TRRAP: variants seen among roughly 807,000 people sequenced by gnomAD.
TRRAP encodes transformation/transcription domain associated protein, also known as transformation/transcription domain-associated protein.
TRRAP carries 41 observed loss-of-function variants against 438.8 expected under a neutral mutation model. That is an observed-to-expected ratio of 0.09 (90% CI 0.07 to 0.12). TRRAP has a LOEUF of 0.12. Among genes scored for constraint, TRRAP ranks in the 10% least tolerant of loss-of-function variants. The pLI is 1.00. For synonymous variants in TRRAP, 1,994 were observed against 1,962.9 expected (o/e 1.02, Z -0.42); for missense variants, 3,122 against 5,055.1 (o/e 0.62, Z 11.60).
chr7:98,964,689 T>A lies in TRRAP; in HGVS notation c.6890T>A (p.Ile2297Asn). 1 of 1,614,134 alleles carries A rather than the reference T, an allele frequency of 6.2e-7. No homozygotes were observed. Among genetic ancestry groups the A allele is most frequent in the Non-Finnish European group, 8.5e-7 (1 of 1,180,016 alleles). ...SNNPSYIDRL[I>N]SVFMRSLQKM... The stretch of plus-strand genomic sequence containing the variant: ...AACCCCAGCTACATAGACAGGCTGA[T>A]CTCCGTCTTTATGCGCTCCCTGCAG... Residue 2297 changes from isoleucine to asparagine, a missense_variant, in exon 48 of 73, where the codon ATC becomes AAC. Around this residue, in one of 24 missense-constraint regions of TRRAP, gnomAD observed 992 missense variants for 1,281.2 expected, o/e 0.77. Coordinates refer to ENST00000456197, the MANE Select transcript of TRRAP (RefSeq NM_001375524.1).
Position 98,930,713 on chromosome 7 carries a change from G to C in TRRAP, c.3474G>C (p.Leu1158=), listed in dbSNP as rs782620276. 7 of 1,614,108 alleles carry C rather than the reference G, an allele frequency of 4.3e-6. No individual in the cohort carries two copies. Among genetic ancestry groups the C allele is most frequent in the African/African-American group, 1.3e-5 (1 of 74,940 alleles). The change falls in exon 25 of 73, where the codon CTG becomes CTC. Residue 1158 remains leucine, a synonymous_variant. Coordinates refer to ENST00000456197, the MANE Select transcript of TRRAP (RefSeq NM_001375524.1). ...ATGAACAGGCGTGGTATGCAAAGCT[G>C]GGGGGTGTGGTGTCTATTAAGTTTC... ...CCYEQAWYAK[L]GGVVSIKFLM...
chr7:98,973,245 G>A (rs1248160749), intron 53 of TRRAP, among the ~76,000 whole-genome samples: 3 of 152,156 alleles, frequency 2.0e-5, no homozygotes, highest in Non-Finnish European at 2.9e-5. Context: ...CTCCCAAAGT[G>A]CTGGGATTAC....
chr7:98,990,164 G>A (rs200852586), intron 63 of TRRAP, among the ~76,000 whole-genome samples: 2 of 152,142 alleles, frequency 1.3e-5, no homozygotes, highest in Non-Finnish European at 2.9e-5. Flanking sequence ...GGAGGTGGAG[G>A]TTGCAGTGAG....
chr7:98,989,234 A>G (rs551925518), intron 63 of TRRAP, among the ~76,000 whole-genome samples: 7 of 152,372 alleles, frequency 4.6e-5, no homozygotes, highest in Admixed American at 2.0e-4. Flanking sequence ...GGGAGCTCAC[A>G]CGAAACAGAG....
chr7:98,973,740 A>G lies in TRRAP; in HGVS notation c.7839+1795A>G, dbSNP rs559408702. ...CAGGCCGGAGCTGCAGACGTCAGCC[A>G]TACTGTTCCCAGATGCGTGTCACAG... On this transcript the variant is annotated intron_variant, in intron 53 of 72. Coordinates refer to ENST00000456197, the MANE Select transcript of TRRAP (RefSeq NM_001375524.1). Among the ~76,000 whole-genome samples, 12 of 152,312 alleles carry G rather than the reference A, an allele frequency of 7.9e-5. No homozygotes were observed. The East Asian group carries it at 2.3e-3, about 29-fold the overall frequency.
chr7:98,948,112 G>C lies in TRRAP; in HGVS notation c.4549-109G>C. On this transcript the variant is annotated intron_variant, in intron 33 of 72. Coordinates refer to ENST00000456197, the MANE Select transcript of TRRAP (RefSeq NM_001375524.1). This position sits in a 1 kb window ranked among gnomAD's most constrained non-coding sequence, Gnocchi z 4.9. ...TTACATGTGAACCCTTCGCTTCACT[G>C]CCTAGCCTTGCCAACATAGTTAGAC... 2.0e-6 allele frequency: 3 copies of C among 1,510,512 alleles called. No homozygotes were observed. The highest frequency in any genetic ancestry group is 2.7e-6 in the Non-Finnish European group (3 of 1,109,322). The allele number at this position is 1,510,512 out of a possible 1,614,324, so 93.6% of individuals were successfully genotyped here. A position where few individuals can be genotyped will look rare whatever the true frequency, so the allele number is the denominator to read the frequency against.
chr7:98,951,019 T>C lies in TRRAP; in HGVS notation c.5463+15T>C, dbSNP rs1224078019. 1 of 1,574,434 alleles carries C rather than the reference T, an allele frequency of 6.4e-7. No individual in the cohort carries two copies. The highest frequency in any genetic ancestry group is 8.6e-7 in the Non-Finnish European group (1 of 1,163,488). On this transcript the variant is annotated intron_variant, in intron 39 of 72. Coordinates refer to ENST00000456197, the MANE Select transcript of TRRAP (RefSeq NM_001375524.1). ...TTATTACCAAGGTGGTATCACTATG[T>C]GTGTGGGTGTGAGAAGTAGCCTGGC...
chr7:98,959,464 T>C lies in TRRAP; in HGVS notation c.6463T>C (p.Trp2155Arg). The change falls in exon 45 of 73, where the codon TGG (tryptophan) becomes CGG (arginine). Residue 2155 changes from tryptophan to arginine, a missense_variant. Around this residue, in one of 24 missense-constraint regions of TRRAP, gnomAD observed 992 missense variants for 1,281.2 expected, o/e 0.77. Transcript: ENST00000456197. ...GCCCAAGTCCGAACTCAAGCTGCAG[T>C]GGTTCGACAAGCTGCTGATGACTGT... The part of the protein sequence containing the change: ...MWPKSELKLQ[W>R]FDKLLMTVEQ... 6.2e-7 allele frequency: 1 copy of C among 1,613,524 alleles called. No individual in the cohort carries two copies. Among genetic ancestry groups the C allele is most frequent in the Non-Finnish European group, 8.5e-7 (1 of 1,179,844 alleles).
chr7:98,913,531 G>A (rs909188136), intron 18 of TRRAP, among the ~76,000 whole-genome samples: 4 of 152,000 alleles, frequency 2.6e-5, no homozygotes, highest in Admixed American at 6.6e-5. Flanking sequence ...TCAGGTGATC[G>A]TCTGCCTTGG....
rs745756838 is a variant in TRRAP at position 98,976,625 on chromosome 7, A to G, written c.8102A>G (p.Lys2701Arg). Residue 2701 changes from lysine (K) to arginine (R), a missense_variant, in exon 55 of 73, where the codon AAG becomes AGG. Around this residue, in one of 24 missense-constraint regions of TRRAP, gnomAD observed 992 missense variants for 1,281.2 expected, o/e 0.77. Transcript: ENST00000456197. This position sits in a 1 kb window ranked among gnomAD's most constrained non-coding sequence, Gnocchi z 4.6. ...PPIPIRPCVLKYLGKTHNLWF... is the reference protein window; with the variant it reads ...PPIPIRPCVLRYLGKTHNLWF... ...ATCCCCATCCGACCCTGCGTCCTGAAGTACCTGGGGAAGACACACAACCTC... is the reference window on the plus strand; with the variant it reads ...ATCCCCATCCGACCCTGCGTCCTGAGGTACCTGGGGAAGACACACAACCTC... 3 of 1,614,202 alleles carry G rather than the reference A, an allele frequency of 1.9e-6. No individual in the cohort carries two copies. Among genetic ancestry groups the G allele is most frequent in the East Asian group, 2.2e-5 (1 of 44,880 alleles).
At chr7:98,905,924 A>T (rs1796706559) in intron 12 of TRRAP, among the ~76,000 whole-genome samples, 1 of 152,156 alleles carries the variant, frequency 6.6e-6, no homozygotes, top group African/African-American at 2.4e-5. Context: ...AAGCTGATTT[A>T]TTCTTAATTT....
At chr7:98,967,351 C>A in intron 50 of TRRAP, 134 bp from the exon 51 acceptor site, 1 of 1,271,830 alleles carries the variant, frequency 7.9e-7, no homozygotes, top group Non-Finnish European at 1.1e-6. Flanking sequence ...CATGAGCCTG[C>A]CACGATTTAT....
chr7:98,899,334 T>C (rs1796367296), intron 8 of TRRAP, 88 bp from the exon 9 acceptor site: 3 of 1,065,812 alleles, frequency 2.8e-6, no homozygotes, highest in Non-Finnish European at 2.9e-6. Flanking sequence ...TTCTCTCTCT[T>C]TCAGTGGGTG....
rs371062126 is a variant in TRRAP at position 98,910,087 on chromosome 7, G to A, written c.1382G>A (p.Arg461Gln). ...GTTCTCAAATTCCACACAATTGCTC[G>A]GTACCAGCTCTCTGCCATTTTTAAG... ...VFVLKFHTIA[R>Q]YQLSAIFKKC... The change falls in exon 15 of 73, where the codon CGG becomes CAG. Residue 461 changes from arginine to glutamine, a missense_variant. This residue lies in a region of TRRAP where 115 missense variants were observed against 124.6 expected (regional missense o/e 0.92). Transcript: ENST00000456197. 1.3e-5 allele frequency: 21 copies of A among 1,558,722 alleles called. No individual in the cohort carries two copies. Among genetic ancestry groups the A allele is most frequent in the East Asian group, 4.5e-5 (2 of 44,418 alleles).
At chr7:98,970,067 C>T in intron 51 of TRRAP, 45 bp from the exon 52 acceptor site, 1 of 1,596,884 alleles carries the variant, frequency 6.3e-7, no homozygotes, top group Non-Finnish European at 8.5e-7. Flanking sequence ...GCCCTGAATG[C>T]CACGCGCATG....
At chr7:98,916,013 G>C in intron 19 of TRRAP, 125 bp downstream of exon 19, 1 of 1,306,130 alleles carries the variant, frequency 7.7e-7, no homozygotes, top group Non-Finnish European at 1.0e-6. Context: ...GATGGGATGT[G>C]GCACATCCGC....
rs1794476847 is a variant in TRRAP at position 99,012,595 on chromosome 7, C to G, written c.*240C>G. 5 of 544,122 alleles carry G rather than the reference C, an allele frequency of 9.2e-6. No individual in the cohort carries two copies. The highest frequency in any genetic ancestry group is 1.3e-5 in the Non-Finnish European group (4 of 315,916). The allele number at this position is 544,122 out of a possible 1,614,324, so 33.7% of individuals were successfully genotyped here. ...TGGCAGAGCTGAAACTTATTCCAAG[C>G]TTTCAAAATAATCTTTTAAGAAGCC... On this transcript the variant is annotated 3_prime_UTR_variant, in exon 73 of 73. Coordinates refer to ENST00000456197, the MANE Select transcript of TRRAP (RefSeq NM_001375524.1). This position sits in a 1 kb window ranked among gnomAD's most constrained non-coding sequence, Gnocchi z 5.9.
intron 30 of TRRAP, among the ~76,000 whole-genome samples, chr7:98,941,031 A>C (rs1790772954): frequency 6.6e-6 from 1 of 152,202 alleles, no homozygotes; most frequent in Non-Finnish European, 1.5e-5. Flanking sequence ...TTTAGCTCTT[A>C]CATTTAGGTC....
chr7:98,994,859 A>G lies in TRRAP; in HGVS notation c.10309+11A>G. The G allele has an allele frequency of 6.2e-7, 1 of 1,605,906 alleles. No individual in the cohort carries two copies. The highest frequency in any genetic ancestry group is 8.5e-7 in the Non-Finnish European group (1 of 1,173,294). On this transcript the variant is annotated intron_variant, in intron 67 of 72. Coordinates refer to ENST00000456197, the MANE Select transcript of TRRAP (RefSeq NM_001375524.1). The surrounding 1 kb of genome is among the most constrained non-coding windows in gnomAD (Gnocchi z 4.8). ...GCCAGTTCACGACGGGTGAGTCTCC[A>G]TTTTCCTTCCCTTCCATAGGGAGAA...
Sources: allele counts gnomAD v4.1 joint callset (sites outside exome capture counted in the v4.1 genomes callset), GRCh38; gene constraint gnomAD v4.1.1; regional missense constraint gnomAD v4.1.1; non-coding constraint Gnocchi (gnomAD v3.1); transcripts MANE v1.5; gene names NCBI Gene and HGNC (gene_info 2026-07-23, HGNC 2026-07-21).